Variants in SASH1 observed in about 807,000 individuals in gnomAD.
SASH1 encodes SAM and SH3 domain containing 1, also known as SAM and SH3 domain-containing protein 1.
In SASH1, 44 loss-of-function variants were observed where a neutral mutation model predicts 125.2. The observed-to-expected ratio is 0.35, with a 90% CI of 0.28 to 0.45. The LOEUF is 0.45. Ranked by LOEUF, SASH1 falls within the 20% of genes least tolerant of loss-of-function variation. The probability of loss-of-function intolerance (pLI) is 1.00; values close to 1 mark genes in which losing one functional copy is unlikely to be tolerated. For missense variants in SASH1, 1,426 were observed against 1,614.5 expected, an observed-to-expected ratio of 0.88 and a Z score of 2.00; for synonymous variants, 639 against 649.1, an observed-to-expected ratio of 0.98 and a Z score of 0.24.
In SASH1 at chr6:148,548,630, C is replaced by T. The variant is rs1782712465; in HGVS notation, c.*72C>T. ...TGCATATGATGCTGATGCAATTCCT[C>T]CATCATCTCTGGACGTGCAGACCAG... On this transcript the variant is annotated 3_prime_UTR_variant, in exon 20 of 20. Transcript: ENST00000367467. 6.7e-7 allele frequency: 1 copy of T among 1,482,946 alleles called. No individual in the cohort carries two copies. Among genetic ancestry groups the T allele is most frequent in the African/African-American group, 1.4e-5 (1 of 71,172 alleles). 91.9% of individuals were successfully genotyped at this position (1,482,946 alleles called of 1,614,324 possible). A position where few individuals can be genotyped will look rare whatever the true frequency, so the allele number is the denominator to read the frequency against.
the SASH1 span, among the ~76,000 whole-genome samples, chr6:148,242,377 G>A: frequency 3.3e-5 from 5 of 152,154 alleles, no homozygotes; most frequent in Non-Finnish European, 7.3e-5. Context: ...GGCACTTTAC[G>A]AGACTCTGAG....
At chr6:148,341,330 G>GTT (rs75328242), upstream of SASH1, among the ~76,000 whole-genome samples, 40 of 113,234 alleles carry the variant, frequency 3.5e-4, no homozygotes, top group Admixed American at 1.1e-3. Context: ...TTTTTTTTTT[G>GTT]TTTTTTTTTT....
At chr6:148,369,768 G>A (rs1193792085) in intron 1 of SASH1, among the ~76,000 whole-genome samples, 34 of 151,750 alleles carry the variant, frequency 2.2e-4, no homozygotes, top group Non-Finnish European at 1.5e-5. Context: ...AGCCTGGCCA[G>A]CATGGCGAAA....
At chr6:148,338,055 T>TCTTCA (rs554823233), upstream of SASH1, among the ~76,000 whole-genome samples, 52 of 151,866 alleles carry the variant, frequency 3.4e-4, no homozygotes, top group African/African-American at 1.2e-3. Context: ...TTCAATGGAA[T>TCTTCA]ATCTACACTT....
chr6:148,216,070 G>C, the SASH1 span, among the ~76,000 whole-genome samples: 1 of 152,056 alleles, frequency 6.6e-6, no homozygotes, highest in Admixed American at 6.5e-5. Flanking sequence ...TGTTGGCCAG[G>C]CTGGTCTTGA....
chr6:148,403,764 A>G (rs770800764), intron 2 of SASH1, among the ~76,000 whole-genome samples: 32 of 151,058 alleles, frequency 2.1e-4, no homozygotes, highest in African/African-American at 7.5e-4. Flanking sequence ...ACTCCTGACC[A>G]CAGGTGATCC....
chr6:148,520,905 C>T (rs908757665), intron 10 of SASH1, among the ~76,000 whole-genome samples: 12 of 152,122 alleles, frequency 7.9e-5, no homozygotes, highest in East Asian at 7.7e-4. Context: ...GCAGAAAGTT[C>T]GTAAATCTAA....
intron 2 of SASH1, among the ~76,000 whole-genome samples, chr6:148,426,793 T>C (rs1775842968): frequency 6.6e-6 from 1 of 152,134 alleles, no homozygotes; most frequent in African/African-American, 2.4e-5. Flanking sequence ...TTCCTGTCAC[T>C]TTTGTCTTAT....
chr6:148,305,290 G>A (rs1023692519), intron 1 of SASH1, among the ~76,000 whole-genome samples: 1 of 152,082 alleles, frequency 6.6e-6, no homozygotes, highest in African/African-American at 2.4e-5. Flanking sequence ...GCTCACCAAA[G>A]CTCTTGCTCT....
chr6:148,302,341 A>AAAAAAT lies in SASH1; in HGVS notation n.74+29964_74+29965insAAAAAT, dbSNP rs34513109. 1.8e-3 allele frequency among the ~76,000 whole-genome samples: 185 copies of AAAAAAT among 104,434 alleles called. 45 individuals are homozygous for AAAAAAT. Among genetic ancestry groups the AAAAAAT allele is most frequent in the East Asian group, 3.9e-3 (10 of 2,564 alleles). The allele number at this position is 104,434 out of a possible 152,430, so 68.5% of individuals were successfully genotyped here. The stretch of plus-strand genomic sequence containing the variant: ...AAAAAAAAAAAAAAAAAAAAAAAAA[A>AAAAAAT]CTAGTAATATTATGACCTTGGTTAA... On this transcript the variant is annotated intron_variant and non_coding_transcript_variant, in intron 1 of 3. Coordinates refer to the SASH1 transcript ENST00000367469.
intron 2 of SASH1, among the ~76,000 whole-genome samples, chr6:148,428,938 G>A (rs1775940035): frequency 1.3e-5 from 2 of 152,124 alleles, no homozygotes; most frequent in Admixed American, 1.3e-4. Flanking sequence ...TGGGGGTCCA[G>A]AACAATGACT....
chr6:148,538,431 A>G (rs1047397038), intron 16 of SASH1, among the ~76,000 whole-genome samples: 5 of 152,232 alleles, frequency 3.3e-5, no homozygotes, highest in Non-Finnish European at 4.4e-5. Context: ...ATGCTAGGCC[A>G]GAACAAAGGC....
intron 6 of SASH1, among the ~76,000 whole-genome samples, chr6:148,473,716 A>T (rs146229004): frequency 1.1e-4 from 16 of 152,350 alleles, no homozygotes; most frequent in African/African-American, 3.4e-4. Context: ...AAGGACACAA[A>T]GAACCCACAG....
chr6:148,421,146 G>GAAGGAAGGAAGGAAGGAAGAAAAGA (rs1554254949), intron 2 of SASH1, among the ~76,000 whole-genome samples: 3 of 71,192 alleles, frequency 4.2e-5, no homozygotes, highest in Non-Finnish European at 9.3e-5. Flanking sequence ...AGGAAGGAAG[G>GAAGGAAGGAAGGAAGGAAGAAAAGA]AAGAAAGAAA....
intron 8 of SASH1, among the ~76,000 whole-genome samples, chr6:148,501,898 G>A (rs191179854): frequency 1.2e-4 from 18 of 152,284 alleles, no homozygotes; most frequent in Non-Finnish European, 1.8e-4. Flanking sequence ...GATTAAAAAC[G>A]ATTCAAAGTT....
chr6:148,452,927 A>G (rs977065055), intron 4 of SASH1, among the ~76,000 whole-genome samples: 7 of 152,238 alleles, frequency 4.6e-5, no homozygotes, highest in South Asian at 2.1e-4. Context: ...TGCAGTAGCA[A>G]TGCGCTGAAG....
At chr6:148,403,156 T>G (rs1784243861) in intron 2 of SASH1, among the ~76,000 whole-genome samples, 1 of 152,146 alleles carries the variant, frequency 6.6e-6, no homozygotes, top group Non-Finnish European at 1.5e-5. Flanking sequence ...CTCAGAGCCT[T>G]CTAGAAGAAT....
Position 148,390,253 on chromosome 6 carries a change from C to T in SASH1, c.276C>T (p.Asp92=). 6.2e-7 allele frequency: 1 copy of T among 1,611,108 alleles called. No homozygotes were observed. The highest frequency in any genetic ancestry group is 2.2e-5 in the East Asian group (1 of 44,822). The change falls in exon 2 of 20, where the codon GAC becomes GAT. Residue 92 remains aspartate, a synonymous_variant. Transcript: ENST00000367467. ...TGCGGAAACGGCGGGTTTCCCAGGA[C>T]CTGGAAGTGGTGAGTGGGGGTCCTG... The part of the protein sequence containing the change: ...EELRKRRVSQ[D]LEVEKPDASP...
chr6:148,514,581 T>A (rs1320170934), intron 9 of SASH1, 125 bp downstream of exon 9: 1 of 1,150,990 alleles, frequency 8.7e-7, no homozygotes, highest in Admixed American at 3.3e-5. Flanking sequence ...TGCATTGAGC[T>A]CTGGCTGAAT....
Sources: gnomAD v4.1 joint callset for allele counts (sites outside exome capture counted in the v4.1 genomes callset) on GRCh38, gnomAD v4.1.1 for gene constraint, MANE v1.5 for transcripts, NCBI Gene and HGNC (gene_info 2026-07-23, HGNC 2026-07-21) for gene names.